GARRE1: variants seen among roughly 807,000 people sequenced by gnomAD.
GARRE1 encodes granule associated Rac and RHOG effector 1.
A neutral mutation model predicts 103.2 loss-of-function variants in GARRE1; 49 were observed. That is an observed-to-expected ratio of 0.47 (90% CI 0.38 to 0.60). The LOEUF (loss-of-function observed/expected upper bound fraction) is 0.60. GARRE1 is among the 20% of genes least tolerant of loss of function. GARRE1 has a pLI of 0.00. For missense variants in GARRE1, 1,199 were observed against 1,370.5 expected, an observed-to-expected ratio of 0.87 and a Z score of 1.98; for synonymous variants, 505 against 532.8, an observed-to-expected ratio of 0.95 and a Z score of 0.72.
intron 3 of GARRE1, among the ~76,000 whole-genome samples, chr19:34,325,279 G>T (rs1035742497): frequency 1.3e-5 from 2 of 152,156 alleles, no homozygotes; most frequent in African/African-American, 2.4e-5. Context: ...AAAACCACCT[G>T]TGTCCTTGGA....
At chr19:34,311,982 A>T (rs1048112208) in intron 2 of GARRE1, among the ~76,000 whole-genome samples, 3 of 151,374 alleles carry the variant, frequency 2.0e-5, no homozygotes, top group South Asian at 2.1e-4. Flanking sequence ...TATTATTATT[A>T]TTTTTATTTT....
intron 8 of GARRE1, among the ~76,000 whole-genome samples, chr19:34,337,466 G>A (rs994266873): frequency 6.6e-5 from 10 of 152,182 alleles, no homozygotes; most frequent in African/African-American, 2.4e-4. Flanking sequence ...GGATTTGAGA[G>A]GAGCCTGTCA....
intron 13 of GARRE1, among the ~76,000 whole-genome samples, chr19:34,351,969 A>T (rs2074239637): frequency 6.6e-6 from 1 of 151,880 alleles, no homozygotes; most frequent in South Asian, 2.1e-4. Flanking sequence ...ATGGTGGCAC[A>T]TGCCTGTAGT....
At chr19:34,326,210 AGTTT>A (rs2074111155) in intron 3 of GARRE1, among the ~76,000 whole-genome samples, 1 of 152,234 alleles carries the variant, frequency 6.6e-6, no homozygotes, top group African/African-American at 2.4e-5. Context: ...GTTTACATAC[AGTTT>A]GTGAAACCAA....
chr19:34,341,558 C>G lies in GARRE1; in HGVS notation c.1624C>G (p.Arg542Gly). Residue 542 changes from arginine to glycine, a missense_variant, in exon 10 of 14, where the codon CGG (arginine) becomes GGG (glycine). Coordinates refer to ENST00000299505, the MANE Select transcript of GARRE1 (RefSeq NM_014686.5). Reference protein sequence around the residue: ...LQKTFSKLTSRFTKKASCTSS... With the variant: ...LQKTFSKLTSGFTKKASCTSS... ...GAAGACATTCTCCAAACTGACATCC[C>G]GGTTCACCAAGAAAGCTTCATGTAC... 6.2e-7 allele frequency: 1 copy of G among 1,614,112 alleles called. No individual in the cohort carries two copies.
intron 1 of GARRE1, among the ~76,000 whole-genome samples, chr19:34,280,805 C>T (rs776471248): frequency 2.0e-5 from 3 of 152,096 alleles, no homozygotes; most frequent in East Asian, 3.9e-4. Flanking sequence ...ACAAGAAGTC[C>T]GGGGCTTATC....
At chr19:34,327,026 G>T (rs373976951) in intron 3 of GARRE1, among the ~76,000 whole-genome samples, 3 of 151,958 alleles carry the variant, frequency 2.0e-5, no homozygotes, top group East Asian at 3.9e-4. Flanking sequence ...GCAGTGGTGG[G>T]TGCCTGTAAT....
intron 1 of GARRE1, among the ~76,000 whole-genome samples, chr19:34,298,413 CAAAA>C (rs55665879): frequency 2.3e-5 from 3 of 129,624 alleles, no homozygotes; most frequent in African/African-American, 8.4e-5. Flanking sequence ...GACTCTGTCT[CAAAA>C]AAAAAAAAAA....
chr19:34,279,799 A>C (rs950848813), intron 1 of GARRE1, among the ~76,000 whole-genome samples: 2 of 151,318 alleles, frequency 1.3e-5, no homozygotes, highest in African/African-American at 2.4e-5. Flanking sequence ...TCCCGGCTAA[A>C]ACGGTGAAAC....
chr19:34,285,314 A>C (rs993958734), intron 1 of GARRE1: 2 of 152,062 alleles, frequency 1.3e-5, no homozygotes, highest in Admixed American at 1.3e-4. Context: ...TTCTTGGCAA[A>C]ATGTCATTTG....
At chr19:34,333,043 T>G (rs1056741126) in intron 7 of GARRE1, among the ~76,000 whole-genome samples, 3 of 152,178 alleles carry the variant, frequency 2.0e-5, no homozygotes, top group Non-Finnish European at 4.4e-5. Flanking sequence ...TTGGTTTGAC[T>G]TTTTTGTTTG....
At chr19:34,344,528 T>C (rs2074201435) in intron 10 of GARRE1, among the ~76,000 whole-genome samples, 1 of 148,732 alleles carries the variant, frequency 6.7e-6, no homozygotes, top group South Asian at 2.2e-4. Context: ...GAGGCGGAGC[T>C]TGCAGTGAGC....
In GARRE1 at chr19:34,312,155, A is replaced by G. The variant is rs796473018; in HGVS notation, c.496-7752A>G. Among the ~76,000 whole-genome samples, 29 of 152,130 alleles carry G rather than the reference A, an allele frequency of 1.9e-4. 1 individual carries two copies. The highest frequency in any genetic ancestry group is 5.5e-4 in the African/African-American group (23 of 41,492). ...TTTTTGTTTTGTTATATGTAGATAA[A>G]CCTGATTCTAATTAAGTGGAAGCAG... On this transcript the variant is annotated intron_variant, in intron 2 of 13. Coordinates refer to ENST00000299505, the MANE Select transcript of GARRE1 (RefSeq NM_014686.5).
chr19:34,335,893 A>G (rs1457721126), intron 8 of GARRE1, among the ~76,000 whole-genome samples: 1 of 152,222 alleles, frequency 6.6e-6, no homozygotes, highest in African/African-American at 2.4e-5. Flanking sequence ...CTATGAATAT[A>G]TTTAAGTAAA....
intron 1 of GARRE1, among the ~76,000 whole-genome samples, chr19:34,295,625 G>A (rs1264188715): frequency 1.3e-5 from 2 of 152,056 alleles, no homozygotes; most frequent in East Asian, 3.8e-4. Flanking sequence ...AAACTCCTGG[G>A]CTCAAGTGAT....
intron 1 of GARRE1, among the ~76,000 whole-genome samples, chr19:34,291,226 A>G (rs2073916246): frequency 1.3e-5 from 2 of 152,130 alleles, no homozygotes; most frequent in South Asian, 4.2e-4. Flanking sequence ...CTTTTTTACC[A>G]TTGTAAAGTA....
At chr19:34,349,727 C>T (rs989048009) in intron 12 of GARRE1, among the ~76,000 whole-genome samples, 2 of 152,092 alleles carry the variant, frequency 1.3e-5, no homozygotes, top group African/African-American at 2.4e-5. Flanking sequence ...GTAGAGGGCA[C>T]GCAGGGCTCC....
At chr19:34,289,316 C>A (rs140365510) in intron 1 of GARRE1, among the ~76,000 whole-genome samples, 20 of 152,126 alleles carry the variant, frequency 1.3e-4, no homozygotes, top group Admixed American at 1.1e-3. Context: ...GCCTGTAGTT[C>A]CAGCTACTGT....
At chr19:34,318,961 G>A (rs1398923276) in intron 2 of GARRE1, among the ~76,000 whole-genome samples, 1 of 151,992 alleles carries the variant, frequency 6.6e-6, no homozygotes, top group Non-Finnish European at 1.5e-5. Flanking sequence ...GTTGCAGTGA[G>A]CCGAGATCAC....
Sources: gnomAD v4.1 joint callset for allele counts (sites outside exome capture counted in the v4.1 genomes callset) on GRCh38, gnomAD v4.1.1 for gene constraint, MANE v1.5 for transcripts, NCBI Gene and HGNC (gene_info 2026-07-23, HGNC 2026-07-21) for gene names.